The following TBCD variants were observed in gnomAD, a reference collection of about 807,000 sequenced individuals.
The protein encoded by TBCD is tubulin-specific chaperone D.
In TBCD, 105 loss-of-function variants were observed where a neutral mutation model predicts 169.3. The ratio of observed to expected loss-of-function variants is 0.62; its 90% CI spans 0.53 to 0.73. The LOEUF (loss-of-function observed/expected upper bound fraction) is 0.73. Ranked by LOEUF, TBCD falls within the 30% of genes least tolerant of loss-of-function variation. The pLI is 0.00. For missense variants in TBCD, 1,444 were observed against 1,600.1 expected (o/e 0.90, Z 1.66); for synonymous variants, 700 against 643.9 (o/e 1.09, Z -1.32).
chr17:82,930,464 C>T lies in TBCD; in HGVS notation c.2992-58C>T. 2 of 1,590,832 alleles carry T rather than the reference C, an allele frequency of 1.3e-6. No homozygotes were observed. Among genetic ancestry groups the T allele is most frequent in the Non-Finnish European group, 1.7e-6 (2 of 1,170,604 alleles). The stretch of plus-strand genomic sequence containing the variant: ...AGATGCTTGACCGGCTGTAGCCAAG[C>T]CTGAGGGGTGGCAGGCTCGGGGGTC... On this transcript the variant is annotated intron_variant, in intron 32 of 38. Coordinates refer to ENST00000355528, the MANE Select transcript of TBCD (RefSeq NM_005993.5). This position sits in a 1 kb window ranked among gnomAD's most constrained non-coding sequence, Gnocchi z 5.2.
Position 82,830,642 on chromosome 17 carries a change from G to T in TBCD, c.1318+15708G>T, listed in dbSNP as rs754847186. 30 of 1,613,922 alleles carry T rather than the reference G, an allele frequency of 1.9e-5. No individual in the cohort carries two copies. The highest frequency in any genetic ancestry group is 2.5e-5 in the Non-Finnish European group (30 of 1,179,952). ...GGCCTCGGAGCCTGGGTGTTACAGG[G>T]GTCCTTCACCGAGAGATTGAGTGGA... On this transcript the variant is annotated intron_variant, in intron 13 of 38. Coordinates refer to ENST00000355528, the MANE Select transcript of TBCD (RefSeq NM_005993.5).
At chr17:82,826,760 T>A (rs971701118) in intron 13 of TBCD, among the ~76,000 whole-genome samples, 1 of 151,706 alleles carries the variant, frequency 6.6e-6, no homozygotes, top group Non-Finnish European at 1.5e-5. Context: ...TCTGCAACAG[T>A]ACAATTTTTG....
chr17:82,895,236 G>T (rs1267036646), intron 17 of TBCD, among the ~76,000 whole-genome samples: 1 of 152,256 alleles, frequency 6.6e-6, no homozygotes, highest in South Asian at 2.1e-4. Flanking sequence ...GGACGCACCG[G>T]CAGGCAGGCC....
chr17:82,906,001 G>T lies in TBCD; in HGVS notation c.1870G>T (p.Ala624Ser). 1 of 1,612,932 alleles carries T rather than the reference G, an allele frequency of 6.2e-7. No homozygotes were observed. Among genetic ancestry groups the T allele is most frequent in the South Asian group, 1.1e-5 (1 of 90,700 alleles). Residue 624 changes from alanine to serine, a missense_variant, in exon 20 of 39, where the codon GCC (alanine) becomes TCC (serine). Ala to Ser is a moderately conservative substitution (Grantham distance 99). Coordinates refer to ENST00000355528, the MANE Select transcript of TBCD (RefSeq NM_005993.5). ...TCACATGAGGCATGGGTCGATTCTC[G>T]CCTGCGCAGAAGTTGCTTACGCCTT... ...DLHMRHGSIL[A>S]CAEVAYALYK...
chr17:82,759,209 G>A (rs927101226), intron 2 of TBCD, among the ~76,000 whole-genome samples: 1 of 151,818 alleles, frequency 6.6e-6, no homozygotes, highest in Non-Finnish European at 1.5e-5. Context: ...TTGGCCAGGC[G>A]CAGTAGCTCA....
intron 12 of TBCD, among the ~76,000 whole-genome samples, chr17:82,812,027 A>G (rs1416602385): frequency 2.6e-5 from 4 of 152,206 alleles, no homozygotes; most frequent in East Asian, 1.9e-4. Flanking sequence ...CTGTCCCCCA[A>G]GCGTGCACGA....
intron 13 of TBCD, among the ~76,000 whole-genome samples, chr17:82,819,947 T>G (rs1400171802): frequency 6.6e-6 from 1 of 151,344 alleles, no homozygotes; most frequent in Non-Finnish European, 1.5e-5. Flanking sequence ...GAAGCACAGG[T>G]GGGGGGATGT....
At chr17:82,919,173 C>T (rs1409709964) in intron 23 of TBCD, among the ~76,000 whole-genome samples, 2 of 152,172 alleles carry the variant, frequency 1.3e-5, no homozygotes, top group African/African-American at 4.8e-5. Context: ...TTCTCCTCCC[C>T]TCCTCTGAGT....
At chr17:82,792,492 CA>C in intron 7 of TBCD, among the ~76,000 whole-genome samples, 1 of 152,262 alleles carries the variant, frequency 6.6e-6, no homozygotes, top group South Asian at 2.1e-4. Context: ...CTGTCATGAA[CA>C]GATTGATAAA....
At chr17:82,913,367 T>A (rs908789315) in intron 23 of TBCD, 1 of 152,272 alleles carries the variant, frequency 6.6e-6, no homozygotes, top group Admixed American at 6.5e-5. Flanking sequence ...GAGCAGTAAG[T>A]CTGCACAGGA....
At chr17:82,828,889 T>C (rs892601912) in intron 13 of TBCD, among the ~76,000 whole-genome samples, 1 of 129,576 alleles carries the variant, frequency 7.7e-6, no homozygotes, top group South Asian at 2.5e-4. Context: ...CACAAATGTG[T>C]ACACACCCGC....
At chr17:82,897,360 A>G (rs2059557255) in intron 17 of TBCD, among the ~76,000 whole-genome samples, 1 of 152,054 alleles carries the variant, frequency 6.6e-6, no homozygotes, top group Non-Finnish European at 1.5e-5. Flanking sequence ...TCTACCAAAA[A>G]TGCAAAAATT....
intron 23 of TBCD, among the ~76,000 whole-genome samples, chr17:82,919,924 C>G (rs909689346): frequency 6.6e-6 from 1 of 152,178 alleles, no homozygotes; most frequent in Non-Finnish European, 1.5e-5. Context: ...GGAGAAATAG[C>G]AAATACCATG....
chr17:82,895,751 G>T (rs1599317059), intron 17 of TBCD: 1 of 152,198 alleles, frequency 6.6e-6, no homozygotes, highest in Non-Finnish European at 1.5e-5. Flanking sequence ...AGGAGGTTGG[G>T]GCCTCAGCTT....
At chr17:82,842,387 C>G (rs2054591957) in intron 13 of TBCD, among the ~76,000 whole-genome samples, 1 of 152,206 alleles carries the variant, frequency 6.6e-6, no homozygotes, top group Admixed American at 6.5e-5. Context: ...TGCCCTCTCT[C>G]CCCCTCTCTC....
At chr17:82,820,723 T>C (rs2052345697) in intron 13 of TBCD, among the ~76,000 whole-genome samples, 2 of 152,134 alleles carry the variant, frequency 1.3e-5, no homozygotes, top group African/African-American at 4.8e-5. Flanking sequence ...ATGAGTTTCT[T>C]AGGTTCTGCC....
At chr17:82,906,901 A>C (rs997619110) in intron 20 of TBCD, among the ~76,000 whole-genome samples, 2 of 152,230 alleles carry the variant, frequency 1.3e-5, no homozygotes, top group Non-Finnish European at 2.9e-5. Context: ...TTGTGGAAGA[A>C]GGCACATGGG....
Position 82,864,314 on chromosome 17 carries a change from G to C in TBCD, c.1319-5910G>C, listed in dbSNP as rs902330319. 1.3e-5 allele frequency: 2 copies of C among 152,280 alleles called. No homozygotes were observed. The highest frequency in any genetic ancestry group is 2.9e-5 in the Non-Finnish European group (2 of 68,058). 9.4% of individuals were successfully genotyped at this position (152,280 alleles called of 1,614,324 possible). On this transcript the variant is annotated intron_variant, in intron 13 of 38. Coordinates refer to ENST00000355528, the MANE Select transcript of TBCD (RefSeq NM_005993.5). This position sits in a 1 kb window ranked among gnomAD's most constrained non-coding sequence, Gnocchi z 6.3. ...CTGCTGTGTGACCTGCGGGTGCCCAGCCTGTGGGGCTTCCTCATCGCCCCC... is the reference window on the plus strand; with the variant it reads ...CTGCTGTGTGACCTGCGGGTGCCCACCCTGTGGGGCTTCCTCATCGCCCCC...
At position 82,930,485 on chromosome 17, in the gene TBCD, G is replaced by A. The variant is rs1253225437; in HGVS notation, c.2992-37G>A. 6.2e-7 allele frequency: 1 copy of A among 1,604,632 alleles called. No individual in the cohort carries two copies. Among genetic ancestry groups the A allele is most frequent in the Admixed American group, 1.7e-5 (1 of 58,862 alleles). On this transcript the variant is annotated intron_variant, in intron 32 of 38. Transcript: ENST00000355528. This position sits in a 1 kb window ranked among gnomAD's most constrained non-coding sequence, Gnocchi z 5.2. ...CAAGCCTGAGGGGTGGCAGGCTCGG[G>A]GGTCCCACTGCCTTCTGAGGTGTCT...
Sources: allele counts gnomAD v4.1 joint callset (sites outside exome capture counted in the v4.1 genomes callset), GRCh38; gene constraint gnomAD v4.1.1; non-coding constraint Gnocchi (gnomAD v3.1); transcripts MANE v1.5; gene names NCBI Gene and HGNC (gene_info 2026-07-23, HGNC 2026-07-21).